CAMTA1: variants seen among roughly 807,000 people sequenced by gnomAD.
The protein encoded by CAMTA1 is calmodulin-binding transcription activator 1.
In CAMTA1, 27 loss-of-function variants were observed where a neutral mutation model predicts 170.9. The ratio of observed to expected loss-of-function variants is 0.16; its 90% CI spans 0.12 to 0.22. CAMTA1 has a LOEUF of 0.22. CAMTA1 is among the 10% of genes least tolerant of loss of function. The pLI is 1.00. For synonymous variants in CAMTA1, 833 were observed against 891.5 expected (o/e 0.93, Z 1.17); for missense variants, 1,619 against 2,217.2 (o/e 0.73, Z 5.42).
At chr1:7,290,525 T>C (rs1204120059) in intron 5 of CAMTA1, among the ~76,000 whole-genome samples, 2 of 152,184 alleles carry the variant, frequency 1.3e-5, no homozygotes, top group Non-Finnish European at 2.9e-5. Flanking sequence ...TCCATACCTC[T>C]GGGTCTCTGT....
At position 7,642,951 on chromosome 1, in the gene CAMTA1, C is replaced by A. The variant is rs561964290; in HGVS notation, c.664+2398C>A. 6.6e-6 allele frequency among the ~76,000 whole-genome samples: 1 copy of A among 152,194 alleles called. No homozygotes were observed. Among genetic ancestry groups the A allele is most frequent in the African/African-American group, 2.4e-5 (1 of 41,460 alleles). On this transcript the variant is annotated intron_variant, in intron 7 of 22. Transcript: ENST00000303635. The surrounding 1 kb of genome is among the most constrained non-coding windows in gnomAD (Gnocchi z 6.3). Reference sequence around the variant, plus strand: ...GGTGGAGTCACTCCAGAGGGCTCAGCTTGGTCCTGCAGAAGCTGCCATGGC... The same window carrying A: ...GGTGGAGTCACTCCAGAGGGCTCAGATTGGTCCTGCAGAAGCTGCCATGGC...
chr1:7,626,584 T>C (rs2095635169), intron 6 of CAMTA1, among the ~76,000 whole-genome samples: 1 of 152,202 alleles, frequency 6.6e-6, no homozygotes, highest in South Asian at 2.1e-4. Context: ...TTTCTGCAAA[T>C]TCTCTCTGCA....
rs545158344 is a variant in CAMTA1, at chr1:7,741,785, C to G, written c.4183-3050C>G. On this transcript the variant is annotated intron_variant, in intron 16 of 22. Transcript: ENST00000303635. ...TGGCAGGTCCCTGTAATCCCAGCTA[C>G]TCGGGAGGCTGAGGCACAAGAATTG... 1.1e-3 allele frequency among the ~76,000 whole-genome samples: 167 copies of G among 151,940 alleles called. 4 individuals are homozygous for G. The South Asian group carries it at 0.033, about 30-fold the overall frequency.
intron 3 of CAMTA1, among the ~76,000 whole-genome samples, chr1:6,987,450 CCA>C (rs1695551494): frequency 6.6e-6 from 1 of 152,182 alleles, no homozygotes; most frequent in Non-Finnish European, 1.5e-5. Flanking sequence ...CAGGCGTGAG[CCA>C]TCACGCCCGG....
intron 6 of CAMTA1, among the ~76,000 whole-genome samples, chr1:7,549,636 A>G (rs948028256): frequency 6.6e-6 from 1 of 152,178 alleles, no homozygotes; most frequent in East Asian, 1.9e-4. Flanking sequence ...TTAAGGACCC[A>G]CTATCAATCA....
chr1:6,825,325 T>A, intron 3 of CAMTA1, 115 bp downstream of exon 3: 1 of 586,488 alleles, frequency 1.7e-6, no homozygotes, highest in East Asian at 2.8e-5. Flanking sequence ...TCTAGGAAAT[T>A]GTAAATGACA....
chr1:7,423,870 G>A (rs539027179), intron 5 of CAMTA1, among the ~76,000 whole-genome samples: 4 of 152,202 alleles, frequency 2.6e-5, no homozygotes, highest in Admixed American at 2.0e-4. Flanking sequence ...AGCAAGGTAC[G>A]GGGCGAGAGG....
At chr1:7,221,028 G>A (rs1660658532) in intron 4 of CAMTA1, among the ~76,000 whole-genome samples, 1 of 152,174 alleles carries the variant, frequency 6.6e-6, no homozygotes, top group African/African-American at 2.4e-5. Flanking sequence ...GAGCCCACCA[G>A]GTGGGAGAGC....
At chr1:6,944,121 G>T (rs893519864) in intron 3 of CAMTA1, among the ~76,000 whole-genome samples, 24 of 152,108 alleles carry the variant, frequency 1.6e-4, no homozygotes, top group African/African-American at 5.1e-4. Flanking sequence ...GAACCATACA[G>T]TATTTGTCCT....
chr1:7,558,998 G>A (rs936596819), intron 6 of CAMTA1, among the ~76,000 whole-genome samples: 2 of 152,194 alleles, frequency 1.3e-5, no homozygotes, highest in African/African-American at 2.4e-5. Flanking sequence ...TGAAGGCCAG[G>A]GTCACTTTGG....
chr1:7,668,439 C>T (rs2096023206), intron 9 of CAMTA1, among the ~76,000 whole-genome samples: 1 of 140,072 alleles, frequency 7.1e-6, no homozygotes, highest in African/African-American at 2.6e-5. Flanking sequence ...ACACCCACCA[C>T]ACACCCCAGA....
intron 3 of CAMTA1, among the ~76,000 whole-genome samples, chr1:6,943,305 G>T (rs1329324032): frequency 6.6e-6 from 1 of 151,754 alleles, no homozygotes; most frequent in Admixed American, 6.6e-5. Context: ...CTCAACTGTG[G>T]TCCCCTTGTC....
intron 3 of CAMTA1, among the ~76,000 whole-genome samples, chr1:6,981,338 G>T (rs774341295): frequency 2.4e-4 from 37 of 151,944 alleles, no homozygotes; most frequent in Non-Finnish European, 4.7e-4. Context: ...GATGGTAATT[G>T]CCCCACATTT....
At chr1:7,338,843 C>T (rs1188892382) in intron 5 of CAMTA1, among the ~76,000 whole-genome samples, 1 of 152,190 alleles carries the variant, frequency 6.6e-6, no homozygotes, top group Non-Finnish European at 1.5e-5. Flanking sequence ...ATACCTGAAA[C>T]TGGGTAATCT....
chr1:7,359,218 C>A (rs1005051736), intron 5 of CAMTA1, among the ~76,000 whole-genome samples: 4 of 148,310 alleles, frequency 2.7e-5, no homozygotes, highest in South Asian at 4.3e-4. Flanking sequence ...TCTGGAGACC[C>A]AGGGGTCAGT....
At chr1:6,919,524 C>T (rs1681536162) in intron 3 of CAMTA1, among the ~76,000 whole-genome samples, 1 of 152,208 alleles carries the variant, frequency 6.6e-6, no homozygotes, top group African/African-American at 2.4e-5. Flanking sequence ...ATGTCCACTT[C>T]TCAGATGTGG....
chr1:7,615,607 A>T (rs183940349), intron 6 of CAMTA1, among the ~76,000 whole-genome samples: 5 of 152,362 alleles, frequency 3.3e-5, no homozygotes, highest in Non-Finnish European at 5.9e-5. Context: ...ACTTGTACAG[A>T]TTCTCTCTTT....
intron 3 of CAMTA1, among the ~76,000 whole-genome samples, chr1:6,895,393 C>A (rs1675409234): frequency 6.6e-6 from 1 of 152,172 alleles, no homozygotes; most frequent in Admixed American, 6.5e-5. Flanking sequence ...GTCCAAGCCA[C>A]CTTCTTTTCT....
chr1:7,708,406 A>G (rs1178210409), intron 11 of CAMTA1, among the ~76,000 whole-genome samples: 1 of 151,878 alleles, frequency 6.6e-6, no homozygotes, highest in Non-Finnish European at 1.5e-5. Context: ...GCCAAGGCAG[A>G]AGGATTGCTT....
Sources: gnomAD v4.1 joint callset for allele counts (sites outside exome capture counted in the v4.1 genomes callset) on GRCh38, gnomAD v4.1.1 for gene constraint, Gnocchi (gnomAD v3.1) non-coding constraint, MANE v1.5 for transcripts, NCBI Gene and HGNC (gene_info 2026-07-23, HGNC 2026-07-21) for gene names.